The following KLF7 variants were observed in gnomAD, a reference collection of about 807,000 sequenced individuals.
The protein encoded by KLF7 is Krueppel-like factor 7.
KLF7 carries 2 observed loss-of-function variants against 27.3 expected under a neutral mutation model. That is an observed-to-expected ratio of 0.07 (90% confidence interval 0.03 to 0.23). The LOEUF (loss-of-function observed/expected upper bound fraction) is 0.23. Ranked by LOEUF, KLF7 falls within the 10% of genes least tolerant of loss-of-function variation. The pLI is 1.00. For missense variants in KLF7, 221 were observed against 394.1 expected, an observed-to-expected ratio of 0.56 and a Z score of 3.72; for synonymous variants, 165 against 162.4, an observed-to-expected ratio of 1.02 and a Z score of -0.12.
intron 1 of KLF7, among the ~76,000 whole-genome samples, chr2:207,127,671 A>G (rs1259744062): frequency 1.3e-5 from 2 of 151,972 alleles, no homozygotes; most frequent in South Asian, 2.1e-4. Context: ...ATGAAACCCC[A>G]TCTCTACTAA....
At chr2:207,169,118 A>C (rs2078767835), upstream of KLF7, among the ~76,000 whole-genome samples, 1 of 152,250 alleles carries the variant, frequency 6.6e-6, no homozygotes, top group African/African-American at 2.4e-5. Context: ...AAAGCAGATT[A>C]GAATACAGGT....
intron 1 of KLF7, among the ~76,000 whole-genome samples, chr2:207,150,997 T>TTAAA (rs774012911): frequency 3.4e-4 from 31 of 90,342 alleles, no homozygotes; most frequent in Non-Finnish European, 5.7e-4. Flanking sequence ...TTCTCTTTAT[T>TTAAA]AAAAAAAAAA....
chr2:207,151,072 A>C (rs2106105435), intron 1 of KLF7, among the ~76,000 whole-genome samples: 1 of 151,560 alleles, frequency 6.6e-6, no homozygotes, highest in Middle Eastern at 3.4e-3. Flanking sequence ...AGAGTTTACC[A>C]AGCCTTAGAG....
rs150397779 is a variant in KLF7, at chr2:207,120,733, T to C, written c.733+3041A>G. The stretch of plus-strand genomic sequence containing the variant: ...CTCCAGTCCTTGTATCAGCAGCCTC[T>C]TTCCAACCTGAATTCCCATCTCCAT... On this transcript the variant is annotated intron_variant, in intron 2 of 3. Coordinates refer to ENST00000309446, the MANE Select transcript of KLF7 (RefSeq NM_003709.4). Among the ~76,000 whole-genome samples, 13 of 152,348 alleles carry C rather than the reference T, an allele frequency of 8.5e-5. No homozygotes were observed. In the East Asian group the frequency reaches 1.7e-3, roughly 20 times the overall value.
chr2:207,096,702 G>T (rs2076638470), intron 2 of KLF7, among the ~76,000 whole-genome samples: 1 of 152,090 alleles, frequency 6.6e-6, no homozygotes, highest in African/African-American at 2.4e-5. Context: ...TCTCTCACTG[G>T]CCAGGATGTG....
upstream of KLF7, among the ~76,000 whole-genome samples, chr2:207,169,770 C>G (rs983197916): frequency 2.6e-5 from 4 of 152,064 alleles, no homozygotes; most frequent in Admixed American, 2.6e-4. Flanking sequence ...GATCTGTGAT[C>G]AGTTATTTCG....
intron 1 of KLF7, among the ~76,000 whole-genome samples, chr2:207,134,418 T>C (rs2077727733): frequency 6.6e-6 from 1 of 152,088 alleles, no homozygotes; most frequent in South Asian, 2.1e-4. Flanking sequence ...ATTTAGTGGC[T>C]GGTAATCATA....
At chr2:207,127,668 C>A (rs2077517456) in intron 1 of KLF7, among the ~76,000 whole-genome samples, 1 of 151,630 alleles carries the variant, frequency 6.6e-6, no homozygotes, top group Admixed American at 6.6e-5. Flanking sequence ...ATGATGAAAC[C>A]CCATCTCTAC....
At chr2:207,147,611 C>T (rs1179182427) in intron 1 of KLF7, among the ~76,000 whole-genome samples, 1 of 152,172 alleles carries the variant, frequency 6.6e-6, no homozygotes, top group Non-Finnish European at 1.5e-5. Context: ...TTCTATCCCC[C>T]ACTCCACCCT....
At chr2:207,100,219 T>C (rs1039871744) in intron 2 of KLF7, among the ~76,000 whole-genome samples, 2 of 152,226 alleles carry the variant, frequency 1.3e-5, no homozygotes, top group African/African-American at 4.8e-5. Flanking sequence ...ACCATTCATG[T>C]TGAATAGATA....
Position 207,078,789 on chromosome 2 carries a change from C to A in KLF7, c.*2424G>T, listed in dbSNP as rs988257858. The stretch of plus-strand genomic sequence containing the variant: ...ACACATCCTTCATCCAGGAAGGATG[C>A]ACCACACATTCAAATATAATCCCAT... On this transcript the variant is annotated 3_prime_UTR_variant, in exon 4 of 4. Coordinates refer to ENST00000309446, the MANE Select transcript of KLF7 (RefSeq NM_003709.4). 2.2e-4 allele frequency: 34 copies of A among 152,138 alleles called. No individual in the cohort carries two copies. Among genetic ancestry groups the A allele is most frequent in the African/African-American group, 8.2e-4 (34 of 41,416 alleles). The allele number at this position is 152,138 out of a possible 1,614,324, so 9.4% of individuals were successfully genotyped here. A position where few individuals can be genotyped will look rare whatever the true frequency, so the allele number is the denominator to read the frequency against.
At chr2:207,083,528 CA>C (rs1184006859) in intron 3 of KLF7, among the ~76,000 whole-genome samples, 1 of 152,148 alleles carries the variant, frequency 6.6e-6, no homozygotes, top group African/African-American at 2.4e-5. Context: ...AGTCTGACGC[CA>C]GAGCCCACAC....
At position 207,137,194 on chromosome 2, in the gene KLF7, CCT is replaced by C. The variant is rs1468143110; in HGVS notation, c.103-12792_103-12791del. ...CATTTCTGTCACCTAACAGGATGTC[CCT>C]GAGAAAGGCAACTCCAGCCACCAGT... On this transcript the variant is annotated intron_variant, in intron 1 of 3. Coordinates refer to ENST00000309446, the MANE Select transcript of KLF7 (RefSeq NM_003709.4). Among the ~76,000 whole-genome samples, 479 of 152,270 alleles carry C rather than the reference CCT, an allele frequency of 3.1e-3. 5 individuals are homozygous for C. Among genetic ancestry groups the C allele is most frequent in the Non-Finnish European group, 7.4e-4 (50 of 68,022 alleles).
chr2:207,102,983 C>T (rs1178118482), intron 2 of KLF7, among the ~76,000 whole-genome samples: 2 of 152,284 alleles, frequency 1.3e-5, no homozygotes, highest in East Asian at 3.9e-4. Context: ...GGTTGGAGTG[C>T]AGTGGCGTGA....
intron 1 of KLF7, among the ~76,000 whole-genome samples, chr2:207,143,446 T>A (rs936795745): frequency 1.3e-5 from 2 of 151,998 alleles, no homozygotes; most frequent in African/African-American, 4.8e-5. Flanking sequence ...TTAAACTGTT[T>A]CTATTTAAAA....
In KLF7 at chr2:207,124,281, G is replaced by A. The variant is rs149669336; in HGVS notation, c.226C>T (p.Arg76Cys). Residue 76 changes from arginine to cysteine, a missense_variant, in exon 2 of 4, where the codon CGC (arginine) becomes TGC (cysteine). Arg to Cys is a radical substitution (Grantham distance 180). This residue lies in a region of KLF7 where 180 missense variants were observed against 227.9 expected (regional missense o/e 0.79). Coordinates refer to ENST00000309446, the MANE Select transcript of KLF7 (RefSeq NM_003709.4). ...PPPCIEESFR[R>C]LDPLLLPVEA... Reference sequence around the variant, plus strand: ...ACGGGGAGCAGCAGGGGGTCTAAGCGACGGAAGCTTTCCTCAATGCACGGG... The same window carrying A: ...ACGGGGAGCAGCAGGGGGTCTAAGCAACGGAAGCTTTCCTCAATGCACGGG... 9.3e-5 allele frequency: 150 copies of A among 1,614,100 alleles called. No individual in the cohort carries two copies. The African/African-American group carries it at 1.6e-3, about 17-fold the overall frequency.
At chr2:207,168,374 G>C (rs2078759755), upstream of KLF7, among the ~76,000 whole-genome samples, 1 of 152,132 alleles carries the variant, frequency 6.6e-6, no homozygotes, top group Non-Finnish European at 1.5e-5. Flanking sequence ...CTTAAGGACA[G>C]CCCCAAAGTA....
chr2:207,167,959 A>G (rs1013147500), upstream of KLF7, among the ~76,000 whole-genome samples: 9 of 152,226 alleles, frequency 5.9e-5, no homozygotes, highest in African/African-American at 2.2e-4. Context: ...CTATTAATAG[A>G]ATCTTGGAGA....
At chr2:207,132,981 G>C (rs2077678860) in intron 1 of KLF7, among the ~76,000 whole-genome samples, 1 of 152,220 alleles carries the variant, frequency 6.6e-6, no homozygotes. Context: ...GAGTCTGTTG[G>C]CCTGGCCTCT....
Sources: gnomAD v4.1 joint callset for allele counts (sites outside exome capture counted in the v4.1 genomes callset) on GRCh38, gnomAD v4.1.1 for gene constraint, gnomAD v4.1.1 regional missense constraint, MANE v1.5 for transcripts, NCBI Gene and HGNC (gene_info 2026-07-23, HGNC 2026-07-21) for gene names.